The following DNAJB1 variants were observed in gnomAD, a reference collection of about 807,000 sequenced individuals.
The protein encoded by DNAJB1 is DnaJ heat shock protein family (Hsp40) member B1.
DNAJB1 carries 14 observed loss-of-function variants against 24.0 expected under a neutral mutation model. That is an observed-to-expected ratio of 0.58 (90% confidence interval 0.39 to 0.91). The LOEUF is 0.91. Among genes scored for constraint, DNAJB1 ranks in the 40% least tolerant of loss-of-function variants. DNAJB1 has a pLI of 0.00. For synonymous variants in DNAJB1, 262 were observed against 174.4 expected (o/e 1.50, Z -3.96); for missense variants, 517 against 458.1 (o/e 1.13, Z -1.17).
In DNAJB1 at chr19:14,523,625, T is replaced by G. The variant is rs553248370; in HGVS notation, c.-90+4101A>C. ...CTACACCCGGCCTTGTTTTTGTTTT[T>G]TTTTTTTTTTGAGATGGGGTCTCAC... On this transcript the variant is annotated intron_variant, in intron 2 of 3. Coordinates refer to the DNAJB1 transcript ENST00000396969. Among the ~76,000 whole-genome samples the G allele has an allele frequency of 3.0e-4, 45 of 151,010 alleles. No individual in the cohort carries two copies. The South Asian group carries it at 8.6e-3, about 29-fold the overall frequency.
chr19:14,518,353 C>G lies in DNAJB1; in HGVS notation c.-4G>C, dbSNP rs760608773. ...TCTGGTAGTAGTCTTTACCCATGAC[C>G]CCCTCCTGCGGCCCGCCGACCCGCT... is the stretch of plus-strand genomic sequence containing the variant. On this transcript the variant is annotated 5_prime_UTR_variant, in exon 1 of 3. Coordinates refer to ENST00000254322, the MANE Select transcript of DNAJB1 (RefSeq NM_006145.3). 6.4e-7 allele frequency: 1 copy of G among 1,556,482 alleles called. No individual in the cohort carries two copies. Among genetic ancestry groups the G allele is most frequent in the Non-Finnish European group, 8.6e-7 (1 of 1,159,208 alleles).
At chr19:14,524,047 G>A (rs941231771) in intron 2 of DNAJB1, among the ~76,000 whole-genome samples, 11 of 152,174 alleles carry the variant, frequency 7.2e-5, no homozygotes, top group Middle Eastern at 3.2e-3. Context: ...TACAGGTGGG[G>A]AGATGGAGAT....
chr19:14,550,458 A>C (rs895355272), upstream of DNAJB1, among the ~76,000 whole-genome samples: 4 of 152,068 alleles, frequency 2.6e-5, no homozygotes, highest in Admixed American at 1.3e-4. Context: ...TTGTATCTGC[A>C]GGGCTCAGCC....
chr19:14,516,395 T>C (rs767457895), intron 2 of DNAJB1, 71 bp downstream of exon 2: 19 of 1,515,212 alleles, frequency 1.3e-5, no homozygotes, highest in Non-Finnish European at 1.6e-5. Flanking sequence ...ACACATTGGT[T>C]CAGCAAATAC....
chr19:14,551,979 CTT>C (rs754053975), upstream of DNAJB1, among the ~76,000 whole-genome samples: 8 of 89,704 alleles, frequency 8.9e-5, no homozygotes, highest in Admixed American at 1.4e-4. Context: ...CTCTTTCTCT[CTT>C]TTTTTTTTTT....
At chr19:14,529,626 A>C (rs369850035), upstream of DNAJB1, 51 of 1,611,512 alleles carry the variant, frequency 3.2e-5, no homozygotes, top group African/African-American at 3.1e-4. Flanking sequence ...CGAGCGCTGT[A>C]GGGAGCCTGT....
intron 1 of DNAJB1, among the ~76,000 whole-genome samples, chr19:14,559,054 A>AG: frequency 6.6e-6 from 1 of 152,138 alleles, no homozygotes; most frequent in South Asian, 2.1e-4. Context: ...GCCCTCGATG[A>AG]GGTCTCACAT....
At position 14,526,064 on chromosome 19, in the gene DNAJB1, C is replaced by T. The variant is rs184075733; in HGVS notation, c.-90+1662G>A. ...AAATACAAAAGGAGCTTGTGAGACA[C>T]GACATTACCAAACACATCACATCTC... On this transcript the variant is annotated intron_variant, in intron 2 of 3. Coordinates refer to the DNAJB1 transcript ENST00000396969. Among the ~76,000 whole-genome samples, 12 of 152,272 alleles carry T rather than the reference C, an allele frequency of 7.9e-5. No homozygotes were observed. In the East Asian group the frequency reaches 1.7e-3, roughly 22 times the overall value.
intron 1 of DNAJB1, among the ~76,000 whole-genome samples, chr19:14,558,351 G>C (rs1245845159): frequency 6.6e-6 from 1 of 152,174 alleles, no homozygotes; most frequent in East Asian, 1.9e-4. Flanking sequence ...GTGAAGACGG[G>C]CTCTGTTGCT....
In DNAJB1 at chr19:14,517,410, G is replaced by C. The variant is rs1325403652; in HGVS notation, c.212-364C>G. 1.4e-5 allele frequency: 3 copies of C among 212,798 alleles called. No individual in the cohort carries two copies. The East Asian group carries it at 3.2e-4, about 23-fold the overall frequency. The allele number at this position is 212,798 out of a possible 1,614,324, so 13.2% of individuals were successfully genotyped here. A position where few individuals can be genotyped will look rare whatever the true frequency, so the allele number is the denominator to read the frequency against. On this transcript the variant is annotated intron_variant, in intron 1 of 2. Coordinates refer to ENST00000254322, the MANE Select transcript of DNAJB1 (RefSeq NM_006145.3). ...GTAAGTGTTTACTCTCAACGTTTTA[G>C]GGCTAATGGTGCGTAGGAAGAGAAG... is the stretch of plus-strand genomic sequence containing the variant.
rs371768207 is a variant in DNAJB1 at position 14,539,004 on chromosome 19, C to T, written c.-213-11194G>A. 1.5e-3 allele frequency among the ~76,000 whole-genome samples: 214 copies of T among 144,976 alleles called. 4 individuals are homozygous for T. In the South Asian group the frequency reaches 0.031, roughly 21 times the overall value. On this transcript the variant is annotated intron_variant, in intron 1 of 3. Transcript: ENST00000676982. The stretch of plus-strand genomic sequence containing the variant: ...TTTTTTTTTTTTTGAGACAGAGTCT[C>T]GCTCCGTCACCCAGGCTGGAGTTCA...
upstream of DNAJB1, among the ~76,000 whole-genome samples, chr19:14,518,613 C>T (rs2072322825): frequency 6.6e-6 from 1 of 152,122 alleles, no homozygotes; most frequent in Non-Finnish European, 1.5e-5. Context: ...CAACACCTCC[C>T]CGCGGCGCGC....
rs748065364 is a variant in DNAJB1, at chr19:14,516,979, T to C, written c.279A>G (p.Thr93=). 4.3e-6 allele frequency: 7 copies of C among 1,612,574 alleles called. No individual in the cohort carries two copies. In the East Asian group the frequency reaches 1.3e-4, roughly 31 times the overall value. ...GGANGTSFSY[T]FHGDPHAMFA... ...ACATGGCATGAGGGTCTCCATGGAA[T>C]GTGTAGCTGAAAGAGGTACCATTGG... is the stretch of plus-strand genomic sequence containing the variant. The change falls in exon 2 of 3, where the codon ACA becomes ACG. Residue 93 remains threonine (T), a synonymous_variant. Transcript: ENST00000254322.
rs3050003 is a variant in DNAJB1, at chr19:14,557,114, CTTAT to C, written c.-2165-2800_-2165-2797del. Among the ~76,000 whole-genome samples the C allele has an allele frequency of 9.8e-3, 1,379 of 140,432 alleles. 9 individuals carry two copies. The highest frequency in any genetic ancestry group is 0.022 in the South Asian group (95 of 4,250). 92.1% of individuals were successfully genotyped at this position (140,432 alleles called of 152,430 possible). ...GCTGTTCTGCTAGTGTTGGTCTAAT[CTTAT>C]TTATTTATTTATTTATTTATTTATT... On this transcript the variant is annotated intron_variant, in intron 1 of 5. Coordinates refer to the DNAJB1 transcript ENST00000679223.
At chr19:14,524,845 C>CAAAAAAAA (rs71166750) in intron 2 of DNAJB1, among the ~76,000 whole-genome samples, 1 of 112,194 alleles carries the variant, frequency 8.9e-6, no homozygotes, top group Admixed American at 8.9e-5. Flanking sequence ...GACTCGTTCT[C>CAAAAAAAA]AAAAAAAAAA....
intron 1 of DNAJB1, chr19:14,527,911 G>A (rs371367137): frequency 4.6e-5 from 7 of 150,866 alleles, no homozygotes; most frequent in African/African-American, 1.5e-4. Context: ...TTTTTTTTGA[G>A]ACAGAATCTC....
chr19:14,558,850 A>G (rs1198805792), intron 1 of DNAJB1, among the ~76,000 whole-genome samples: 1 of 152,170 alleles, frequency 6.6e-6, no homozygotes, highest in Admixed American at 6.5e-5. Flanking sequence ...AGATGGGGCC[A>G]GAGCCTGCCA....
chr19:14,547,410 GA>G (rs1315244069), intron 1 of DNAJB1, among the ~76,000 whole-genome samples: 1 of 151,976 alleles, frequency 6.6e-6, no homozygotes, highest in Non-Finnish European at 1.5e-5. Flanking sequence ...GCCCAGGCTG[GA>G]GTGCAGTGGC....
chr19:14,551,267 G>A (rs192183078), upstream of DNAJB1, among the ~76,000 whole-genome samples: 1 of 151,250 alleles, frequency 6.6e-6, no homozygotes, highest in Admixed American at 6.6e-5. Flanking sequence ...TAGAGATAGG[G>A]TTTCATCATG....
Sources: allele counts gnomAD v4.1 joint callset (sites outside exome capture counted in the v4.1 genomes callset), GRCh38; gene constraint gnomAD v4.1.1; transcripts MANE v1.5; gene names NCBI Gene and HGNC (gene_info 2026-07-23, HGNC 2026-07-21).